Variants in MACROD2 observed in about 807,000 individuals in gnomAD.
The protein encoded by MACROD2 is ADP-ribose glycohydrolase MACROD2.
In MACROD2, 36 loss-of-function variants were observed where a neutral mutation model predicts 70.4. That is an observed-to-expected ratio of 0.51 (90% CI 0.39 to 0.68). The LOEUF is 0.68. Ranked by LOEUF, MACROD2 falls within the 30% of genes least tolerant of loss-of-function variation. MACROD2 has a pLI of 0.00. For missense variants in MACROD2, 496 were observed against 538.4 expected (o/e 0.92, Z 0.78); for synonymous variants, 172 against 178.8 (o/e 0.96, Z 0.30).
intron 8 of MACROD2, among the ~76,000 whole-genome samples, chr20:15,646,351 C>T (rs1018439076): frequency 6.6e-6 from 1 of 152,166 alleles, no homozygotes; most frequent in Non-Finnish European, 1.5e-5. Flanking sequence ...AGTATGGGGA[C>T]ATATTTAACA....
Position 14,684,868 on chromosome 20 carries a change from C to T in MACROD2, c.327C>T (p.Ala109=), listed in dbSNP as rs371771933. 2.5e-5 allele frequency: 40 copies of T among 1,613,830 alleles called. No homozygotes were observed. Among genetic ancestry groups the T allele is most frequent in the Middle Eastern group, 1.6e-4 (1 of 6,084 alleles). ...TGGATGGCTGTATTCATAGAGCAGC[C>T]GGCCCCTGTTTGCTAGCTGAATGTC... ...GGVDGCIHRA[A]GPCLLAECRN... is the part of the protein sequence containing the mutation. Residue 109 remains alanine (A), a synonymous_variant, in exon 5 of 18, where the codon GCC becomes GCT. Coordinates refer to ENST00000684519, the MANE Select transcript of MACROD2 (RefSeq NM_001351661.2).
At chr20:15,700,435 G>A (rs1302961843) in intron 8 of MACROD2, among the ~76,000 whole-genome samples, 4 of 152,312 alleles carry the variant, frequency 2.6e-5, no homozygotes, top group Middle Eastern at 6.8e-3. Context: ...GCCCCAACTC[G>A]GCTCCGAAGT....
chr20:14,582,248 T>G (rs1981077945), intron 4 of MACROD2, among the ~76,000 whole-genome samples: 1 of 152,118 alleles, frequency 6.6e-6, no homozygotes, highest in Non-Finnish European at 1.5e-5. Flanking sequence ...CTCTATTGTG[T>G]TTTTAAAATC....
chr20:15,773,684 A>G (rs925903512), intron 8 of MACROD2, among the ~76,000 whole-genome samples: 1 of 152,138 alleles, frequency 6.6e-6, no homozygotes, highest in Non-Finnish European at 1.5e-5. Flanking sequence ...CAGTGTTTAT[A>G]GTTTTGTTGT....
At chr20:14,445,372 T>A (rs1158780255) in intron 3 of MACROD2, among the ~76,000 whole-genome samples, 2 of 152,128 alleles carry the variant, frequency 1.3e-5, no homozygotes, top group Non-Finnish European at 2.9e-5. Context: ...TGCACAATTT[T>A]CCCATAAAGG....
At chr20:15,190,133 G>A (rs2076560691) in intron 5 of MACROD2, among the ~76,000 whole-genome samples, 1 of 152,106 alleles carries the variant, frequency 6.6e-6, no homozygotes, top group South Asian at 2.1e-4. Flanking sequence ...TTAAAAATAA[G>A]AATGGGAAAT....
chr20:14,582,377 C>T (rs1445398938), intron 4 of MACROD2, among the ~76,000 whole-genome samples: 1 of 151,956 alleles, frequency 6.6e-6, no homozygotes, highest in African/African-American at 2.4e-5. Flanking sequence ...CCATGTTATC[C>T]CCATGCTTTC....
rs191497820 is a variant in MACROD2 at position 14,003,489 on chromosome 20, A to G, written c.163+1085A>G. ...TGGACAAGCTGATTGGGATGTGCAC[A>G]TCTGACCTGTCTGCCCAGTGTCTTC... is the stretch of plus-strand genomic sequence containing the variant. On this transcript the variant is annotated intron_variant, in intron 2 of 17. Coordinates refer to ENST00000684519, the MANE Select transcript of MACROD2 (RefSeq NM_001351661.2). 18 of 243,446 alleles carry G rather than the reference A, an allele frequency of 7.4e-5. 1 individual carries two copies. The East Asian group carries it at 1.9e-3, about 26-fold the overall frequency. The allele number at this position is 243,446 out of a possible 1,614,324, so 15.1% of individuals were successfully genotyped here. A position where few individuals can be genotyped will look rare whatever the true frequency, so the allele number is the denominator to read the frequency against.
At chr20:15,199,083 A>T (rs999053628) in intron 5 of MACROD2, among the ~76,000 whole-genome samples, 1 of 147,304 alleles carries the variant, frequency 6.8e-6, no homozygotes, top group Non-Finnish European at 1.5e-5. Context: ...ATTAATCTGC[A>T]CTGTAGGCCA....
intron 8 of MACROD2, among the ~76,000 whole-genome samples, chr20:15,780,098 G>A (rs1375280842): frequency 6.6e-6 from 1 of 151,726 alleles, no homozygotes; most frequent in Non-Finnish European, 1.5e-5. Context: ...ATAAATCTTT[G>A]AGAACTGATA....
chr20:14,999,304 A>G (rs2074974715), intron 5 of MACROD2, among the ~76,000 whole-genome samples: 1 of 152,232 alleles, frequency 6.6e-6, no homozygotes, highest in Admixed American at 6.5e-5. Flanking sequence ...AGGAAGACTC[A>G]AAGCTGAACC....
At chr20:15,361,074 T>A (rs759674306) in intron 6 of MACROD2, among the ~76,000 whole-genome samples, 1 of 152,226 alleles carries the variant, frequency 6.6e-6, no homozygotes, top group Non-Finnish European at 1.5e-5. Context: ...AAAGTTTAAT[T>A]TATAGATTTT....
intron 3 of MACROD2, among the ~76,000 whole-genome samples, chr20:14,305,342 TCA>T (rs2082510738): frequency 6.6e-6 from 1 of 152,136 alleles, no homozygotes; most frequent in Non-Finnish European, 1.5e-5. Context: ...TGCCTTCTTC[TCA>T]CAGAATATAA....
At chr20:14,739,523 TA>T (rs1273193984) in intron 5 of MACROD2, among the ~76,000 whole-genome samples, 17 of 147,050 alleles carry the variant, frequency 1.2e-4, no homozygotes, top group Non-Finnish European at 4.5e-5. Flanking sequence ...TTTGTTTATA[TA>T]AAAACAACTT....
intron 5 of MACROD2, among the ~76,000 whole-genome samples, chr20:15,113,685 G>A (rs779184808): frequency 6.6e-6 from 1 of 151,776 alleles, no homozygotes; most frequent in African/African-American, 2.4e-5. Context: ...TGTGGGTTTT[G>A]CCTGTTTCTT....
intron 7 of MACROD2, among the ~76,000 whole-genome samples, chr20:15,460,995 T>TAA: frequency 1.2e-5 from 1 of 83,572 alleles, no homozygotes; most frequent in Non-Finnish European, 2.6e-5. Flanking sequence ...TATATATATA[T>TAA]ATATATATAT....
chr20:15,234,529 G>T (rs998068954), intron 6 of MACROD2, among the ~76,000 whole-genome samples: 6 of 151,924 alleles, frequency 3.9e-5, no homozygotes, highest in Non-Finnish European at 8.8e-5. Context: ...TGTCAAAAAA[G>T]AAAAAAGACC....
At chr20:15,747,199 C>A (rs967681058) in intron 8 of MACROD2, among the ~76,000 whole-genome samples, 1 of 151,974 alleles carries the variant, frequency 6.6e-6, no homozygotes, top group Non-Finnish European at 1.5e-5. Context: ...TCTGAAGACC[C>A]CCAAATAGGA....
intron 5 of MACROD2, among the ~76,000 whole-genome samples, chr20:15,225,497 A>G (rs1450429097): frequency 6.6e-6 from 1 of 152,182 alleles, no homozygotes; most frequent in East Asian, 1.9e-4. Flanking sequence ...TCACTCTTCT[A>G]GTAGGTAACC....
Sources: allele counts gnomAD v4.1 joint callset (sites outside exome capture counted in the v4.1 genomes callset), GRCh38; gene constraint gnomAD v4.1.1; transcripts MANE v1.5; gene names NCBI Gene and HGNC (gene_info 2026-07-23, HGNC 2026-07-21).